The following CCSER1 variants were observed in gnomAD, a reference collection of about 807,000 sequenced individuals.
CCSER1 encodes coiled-coil serine rich protein 1, also known as serine-rich coiled-coil domain-containing protein 1.
A neutral mutation model predicts 82.0 loss-of-function variants in CCSER1; 41 were observed. The ratio of observed to expected loss-of-function variants is 0.50; its 90% CI spans 0.39 to 0.65. The LOEUF is 0.65. Among genes scored for constraint, CCSER1 ranks in the 30% least tolerant of loss-of-function variants. The pLI is 0.00. For missense variants in CCSER1, 1,119 were observed against 1,064.2 expected, an observed-to-expected ratio of 1.05 and a Z score of -0.72; for synonymous variants, 414 against 383.9, an observed-to-expected ratio of 1.08 and a Z score of -0.92.
chr4:91,289,222 A>G (rs1269699887), intron 10 of CCSER1, among the ~76,000 whole-genome samples: 1 of 152,024 alleles, frequency 6.6e-6, no homozygotes, highest in Non-Finnish European at 1.5e-5. Flanking sequence ...TAAAGGCTTC[A>G]TAGAAGGAAA....
At chr4:91,122,033 T>A (rs576224740) in intron 10 of CCSER1, among the ~76,000 whole-genome samples, 119 of 151,860 alleles carry the variant, frequency 7.8e-4, no homozygotes, top group Middle Eastern at 3.4e-3. Flanking sequence ...TTGTGATTTG[T>A]TTCTCCTCCA....
chr4:91,245,476 G>T (rs1028259356), intron 10 of CCSER1, among the ~76,000 whole-genome samples: 5 of 152,064 alleles, frequency 3.3e-5, no homozygotes, highest in African/African-American at 1.2e-4. Flanking sequence ...TTACAGGCCA[G>T]GAGAGAGTGA....
At position 90,379,522 on chromosome 4, in the gene CCSER1, C is replaced by T. The variant is rs192556130; in HGVS notation, c.1510-20514C>T. Among the ~76,000 whole-genome samples the T allele has an allele frequency of 1.5e-3, 235 of 152,086 alleles. 2 individuals are homozygous for T. Among genetic ancestry groups the T allele is most frequent in the Admixed American group, 4.5e-3 (69 of 15,268 alleles). ...GATCAGTGATTGCAATGCTTTCCCA[C>T]ATGATTAATGGTGATATAGAAGATA... is the stretch of plus-strand genomic sequence containing the variant. On this transcript the variant is annotated intron_variant, in intron 3 of 10. Transcript: ENST00000509176.
chr4:90,788,192 C>T (rs1419079594), intron 7 of CCSER1, among the ~76,000 whole-genome samples: 1 of 152,086 alleles, frequency 6.6e-6, no homozygotes, highest in Non-Finnish European at 1.5e-5. Context: ...GTTATGTACT[C>T]TATTTTTTTA....
At chr4:91,173,665 A>G (rs911775081) in intron 10 of CCSER1, among the ~76,000 whole-genome samples, 2 of 151,698 alleles carry the variant, frequency 1.3e-5, no homozygotes, top group Non-Finnish European at 2.9e-5. Flanking sequence ...GCTACATTCC[A>G]GGAAAAGACT....
intron 8 of CCSER1, among the ~76,000 whole-genome samples, chr4:90,851,463 G>GCTT (rs1763876852): frequency 6.6e-6 from 1 of 151,380 alleles, no homozygotes; most frequent in African/African-American, 2.4e-5. Flanking sequence ...ACATGGGGAG[G>GCTT]GGTGGGGGGG....
intron 3 of CCSER1, among the ~76,000 whole-genome samples, chr4:90,329,667 G>A (rs531970265): frequency 1.3e-5 from 2 of 151,956 alleles, no homozygotes; most frequent in South Asian, 4.2e-4. Flanking sequence ...CTTCAAAATC[G>A]ATTTATAATC....
chr4:90,652,300 T>C (rs2149049669), intron 6 of CCSER1, among the ~76,000 whole-genome samples: 1 of 152,338 alleles, frequency 6.6e-6, no homozygotes, highest in South Asian at 2.1e-4. Flanking sequence ...CACATGTTGC[T>C]ACTGGAATCA....
At chr4:90,846,910 G>A (rs536437767) in intron 8 of CCSER1, among the ~76,000 whole-genome samples, 1 of 152,306 alleles carries the variant, frequency 6.6e-6, no homozygotes, top group East Asian at 1.9e-4. Context: ...GCCTCCCAAA[G>A]TGCTGGGATT....
chr4:90,612,076 C>T (rs972365665), intron 5 of CCSER1, among the ~76,000 whole-genome samples: 11 of 151,520 alleles, frequency 7.3e-5, no homozygotes, highest in African/African-American at 9.7e-5. Flanking sequence ...ATTTTAATTG[C>T]GTGTTCAATA....
chr4:90,409,865 T>A (rs998489106), intron 4 of CCSER1, among the ~76,000 whole-genome samples: 1 of 152,176 alleles, frequency 6.6e-6, no homozygotes. Context: ...GACCCATCTG[T>A]GTGCTGTATT....
intron 7 of CCSER1, among the ~76,000 whole-genome samples, chr4:90,795,261 T>C (rs1358191875): frequency 7.1e-6 from 1 of 141,820 alleles, no homozygotes; most frequent in Non-Finnish European, 1.5e-5. Flanking sequence ...CACTGCAGCA[T>C]GGGCAACAAG....
chr4:91,041,358 G>A (rs2150577583), intron 9 of CCSER1, among the ~76,000 whole-genome samples: 1 of 152,268 alleles, frequency 6.6e-6, no homozygotes, highest in South Asian at 2.1e-4. Context: ...CTTAGAAATG[G>A]CAAATTATGT....
At chr4:90,568,136 G>A (rs1164647907) in intron 5 of CCSER1, among the ~76,000 whole-genome samples, 1 of 152,146 alleles carries the variant, frequency 6.6e-6, no homozygotes, top group Non-Finnish European at 1.5e-5. Flanking sequence ...TGTTCCAGGT[G>A]CAGTTGAGAA....
Position 90,589,542 on chromosome 4 carries a change from T to C in CCSER1, c.1725-38483T>C, listed in dbSNP as rs1560770289. On this transcript the variant is annotated intron_variant, in intron 5 of 10. Transcript: ENST00000509176. ...TGAACATATATTTAAATTCCCCAAA[T>C]ATTCAAATATATCATTATATTATGA... 3.3e-5 allele frequency among the ~76,000 whole-genome samples: 5 copies of C among 152,228 alleles called. No homozygotes were observed. In the South Asian group the frequency reaches 1.0e-3, roughly 32 times the overall value.
chr4:90,316,259 A>G (rs769631983), intron 3 of CCSER1, among the ~76,000 whole-genome samples: 1 of 152,206 alleles, frequency 6.6e-6, no homozygotes, highest in Non-Finnish European at 1.5e-5. Context: ...CAGAGATAAG[A>G]TTTGGATTTG....
At chr4:91,059,195 T>C (rs1272924402) in intron 9 of CCSER1, among the ~76,000 whole-genome samples, 1 of 151,844 alleles carries the variant, frequency 6.6e-6, no homozygotes, top group Non-Finnish European at 1.5e-5. Flanking sequence ...ATATTCTGTC[T>C]ATATTATTCA....
chr4:91,297,603 G>A (rs1327100621), intron 10 of CCSER1, among the ~76,000 whole-genome samples: 1 of 151,932 alleles, frequency 6.6e-6, no homozygotes, highest in Non-Finnish European at 1.5e-5. Flanking sequence ...ACTGAATGAA[G>A]TAGGGCCAAA....
intron 7 of CCSER1, among the ~76,000 whole-genome samples, chr4:90,745,678 CTTTTTTTTTTTTTTT>C (rs537380046): frequency 4.2e-5 from 3 of 72,242 alleles, no homozygotes; most frequent in East Asian, 4.9e-4. Flanking sequence ...TTTCTTTTAT[CTTTTTTTTTTTTTTT>C]TTTTTTTTTT....
Sources: allele counts gnomAD v4.1 joint callset (sites outside exome capture counted in the v4.1 genomes callset), GRCh38; gene constraint gnomAD v4.1.1; transcripts MANE v1.5; gene names NCBI Gene and HGNC (gene_info 2026-07-23, HGNC 2026-07-21).